HEATR5A: variants seen among roughly 807,000 people sequenced by gnomAD.
HEATR5A encodes the protein HEAT repeat containing 5A.
In HEATR5A, 178 loss-of-function variants were observed where a neutral mutation model predicts 218.8. That is an observed-to-expected ratio of 0.81 (90% CI 0.72 to 0.92). The LOEUF (loss-of-function observed/expected upper bound fraction) is 0.92. Among genes scored for constraint, HEATR5A ranks in the 40% least tolerant of loss-of-function variants. The pLI, the probability that HEATR5A is intolerant of heterozygous loss-of-function variation, is 0.00. For missense variants in HEATR5A, 2,420 were observed against 2,418.9 expected, an observed-to-expected ratio of 1.00 and a Z score of -0.01; for synonymous variants, 864 against 871.6, an observed-to-expected ratio of 0.99 and a Z score of 0.15.
chr14:31,369,057 G>A (rs867076656), intron 13 of HEATR5A, among the ~76,000 whole-genome samples: 79 of 152,138 alleles, frequency 5.2e-4, no homozygotes, highest in Non-Finnish European at 2.2e-4. Context: ...AGCACTTTGG[G>A]AGGCTGAGGC....
At chr14:31,293,803 A>G in intron 35 of HEATR5A, 88 bp downstream of exon 35, 1 of 1,154,020 alleles carries the variant, frequency 8.7e-7, no homozygotes, top group Non-Finnish European at 1.3e-6. Context: ...AAATACAGAT[A>G]TAATGTGACT....
chr14:31,299,060 G>T (rs755113146), intron 33 of HEATR5A, among the ~76,000 whole-genome samples: 5 of 151,998 alleles, frequency 3.3e-5, no homozygotes, highest in Non-Finnish European at 5.9e-5. Flanking sequence ...CTTGATTTTG[G>T]TCCTCTTCTT....
At chr14:31,308,100 G>T (rs1899614564) in intron 29 of HEATR5A, 80 bp from the exon 30 acceptor site, 1 of 1,312,810 alleles carries the variant, frequency 7.6e-7, no homozygotes, top group Non-Finnish European at 1.0e-6. Context: ...TTATATTTTG[G>T]TAAGATATAT....
chr14:31,296,874 A>T (rs1899203119), intron 33 of HEATR5A: 1 of 152,266 alleles, frequency 6.6e-6, no homozygotes, highest in Non-Finnish European at 1.5e-5. Flanking sequence ...ATTCAACAAG[A>T]CTTAAGAAAC....
Position 31,350,643 on chromosome 14 carries a change from T to A in HEATR5A, c.2486A>T (p.His829Leu). ...GAAACTAGAAACTGAAGAAACAACA[T>A]GTAACTGAACCACTTGCTGACGAGC... Reference protein sequence around the residue: ...KGARQQVVQLHVVSSVSSFLK... With the variant: ...KGARQQVVQLLVVSSVSSFLK... Residue 829 changes from histidine to leucine, a missense_variant, in exon 17 of 36, where the codon CAT (histidine) becomes CTT (leucine). Transcript: ENST00000543095. 1 of 1,598,878 alleles carries A rather than the reference T, an allele frequency of 6.3e-7. No homozygotes were observed. Among genetic ancestry groups the A allele is most frequent in the Non-Finnish European group, 8.5e-7 (1 of 1,170,370 alleles).
chr14:31,388,588 A>C lies in HEATR5A; in HGVS notation c.933+257T>G, dbSNP rs74808404. Among the ~76,000 whole-genome samples, 7 of 152,350 alleles carry C rather than the reference A, an allele frequency of 4.6e-5. No individual in the cohort carries two copies. The East Asian group carries it at 1.3e-3, about 29-fold the overall frequency. On this transcript the variant is annotated intron_variant, in intron 7 of 35. Coordinates refer to ENST00000543095, the MANE Select transcript of HEATR5A (RefSeq NM_015473.4). The stretch of plus-strand genomic sequence containing the variant: ...AGATACACAAAAGCACAACAGCTGG[A>C]AACAAAAAATCTTTGTGTTTCAAAG...
chr14:31,359,287 AGTGTGTGT>A (rs35338545), intron 14 of HEATR5A, among the ~76,000 whole-genome samples: 11 of 50,448 alleles, frequency 2.2e-4, no homozygotes, highest in African/African-American at 5.3e-4. Flanking sequence ...AAAGTGTAAG[AGTGTGTGT>A]GTGTGTGTGT....
intron 1 of HEATR5A, among the ~76,000 whole-genome samples, chr14:31,412,902 G>T (rs993302642): frequency 1.3e-5 from 2 of 152,094 alleles, no homozygotes; most frequent in East Asian, 1.9e-4. Flanking sequence ...TTCTATAATT[G>T]TAAGTAACTT....
intron 14 of HEATR5A, among the ~76,000 whole-genome samples, chr14:31,360,050 T>TAAA (rs56352246): frequency 1.4e-5 from 2 of 147,086 alleles, no homozygotes; most frequent in South Asian, 4.3e-4. Context: ...TCTCATGTTG[T>TAAA]AAAAAAAAAA....
chr14:31,413,331 TAAG>T (rs2031344352), intron 1 of HEATR5A, among the ~76,000 whole-genome samples: 1 of 150,692 alleles, frequency 6.6e-6, no homozygotes, highest in Non-Finnish European at 1.5e-5. Flanking sequence ...AAGAAATTTA[TAAG>T]AAGTGGGGTG....
chr14:31,377,125 TAAA>T (rs35859115), intron 11 of HEATR5A, among the ~76,000 whole-genome samples: 165 of 125,520 alleles, frequency 1.3e-3, no homozygotes, highest in Middle Eastern at 8.2e-3. Flanking sequence ...CCCTGTCTCT[TAAA>T]AAAAAAAAAA....
chr14:31,346,886 A>G (rs1159200799), intron 19 of HEATR5A, among the ~76,000 whole-genome samples: 3 of 152,216 alleles, frequency 2.0e-5, no homozygotes, highest in South Asian at 4.1e-4. Context: ...AAATCATTCC[A>G]TATTTGATTA....
At chr14:31,311,403 G>A (rs1170278246) in intron 28 of HEATR5A, among the ~76,000 whole-genome samples, 1 of 151,944 alleles carries the variant, frequency 6.6e-6, no homozygotes. Context: ...ATGACTGACT[G>A]ATTACATTCT....
rs530344548 is a variant in HEATR5A at position 31,304,996 on chromosome 14, C to T, written c.5148G>A (p.Thr1716=). The change falls in exon 32 of 36, where the codon ACG becomes ACA. Residue 1716 remains threonine (T), a synonymous_variant. Transcript: ENST00000543095. ...KLTGSPGVKA[T]KPQILLEDGS... Reference sequence around the variant, plus strand: ...CATCTTCTAATAGTATCTGTGGCTTCGTAGCTTTTACTCCTGGGCTACCTG... The same window carrying T: ...CATCTTCTAATAGTATCTGTGGCTTTGTAGCTTTTACTCCTGGGCTACCTG... 3.5e-5 allele frequency: 56 copies of T among 1,613,928 alleles called. No individual in the cohort carries two copies. Among genetic ancestry groups the T allele is most frequent in the African/African-American group, 2.1e-4 (16 of 75,024 alleles).
At chr14:31,297,530 A>G (rs941099531) in intron 33 of HEATR5A, 1 of 152,320 alleles carries the variant, frequency 6.6e-6, no homozygotes, top group Non-Finnish European at 1.5e-5. Context: ...AGCTCAGGAC[A>G]GCCTATCCTG....
chr14:31,362,232 G>A (rs1340523520), intron 14 of HEATR5A, among the ~76,000 whole-genome samples: 1 of 152,044 alleles, frequency 6.6e-6, no homozygotes, highest in Non-Finnish European at 1.5e-5. Flanking sequence ...GCCTCCCAAT[G>A]TGCTGGGATT....
chr14:31,343,698 T>C (rs1900917505), intron 21 of HEATR5A, among the ~76,000 whole-genome samples, 198 bp downstream of exon 21: 1 of 151,936 alleles, frequency 6.6e-6, no homozygotes, highest in Non-Finnish European at 1.5e-5. Context: ...GGGAGAAAAA[T>C]TAATAGAAGA....
At chr14:31,299,840 G>C (rs1387190016) in intron 33 of HEATR5A, among the ~76,000 whole-genome samples, 1 of 150,278 alleles carries the variant, frequency 6.7e-6, no homozygotes. Context: ...AGACCAGCCT[G>C]ACCAACATGG....
At chr14:31,296,277 T>A in intron 33 of HEATR5A, 1 of 442,596 alleles carries the variant, frequency 2.3e-6, no homozygotes, top group South Asian at 4.2e-5. Context: ...CTTTAAAGGT[T>A]AAGACATCAG....
Sources: gnomAD v4.1 joint callset for allele counts (sites outside exome capture counted in the v4.1 genomes callset) on GRCh38, gnomAD v4.1.1 for gene constraint, MANE v1.5 for transcripts, NCBI Gene and HGNC (gene_info 2026-07-23, HGNC 2026-07-21) for gene names.